DLC1: variants seen among roughly 807,000 people sequenced by gnomAD.
The protein encoded by DLC1 is DLC1 Rho GTPase activating protein.
In DLC1, 54 loss-of-function variants were observed where a neutral mutation model predicts 140.3. That is an observed-to-expected ratio of 0.38 (90% CI 0.31 to 0.48). The LOEUF is 0.48. Among genes scored for constraint, DLC1 ranks in the 20% least tolerant of loss-of-function variants. DLC1 has a pLI of 0.96. For synonymous variants in DLC1, 986 were observed against 728.1 expected, an observed-to-expected ratio of 1.35 and a Z score of -5.70; for missense variants, 2,536 against 1,907.0, an observed-to-expected ratio of 1.33 and a Z score of -6.14.
intron 5 of DLC1, among the ~76,000 whole-genome samples, chr8:13,286,292 G>GA (rs1407062031): frequency 6.6e-6 from 1 of 151,948 alleles, no homozygotes; most frequent in South Asian, 2.1e-4. Flanking sequence ...TACCACCAGA[G>GA]AAAAAAATTG....
intron 1 of DLC1, chr8:13,566,956 G>C (rs1464251990): frequency 6.6e-7 from 1 of 1,508,960 alleles, no homozygotes; most frequent in Non-Finnish European, 8.9e-7. Flanking sequence ...CTTAACCTGG[G>C]CAAAGGAGAT....
intron 2 of DLC1, among the ~76,000 whole-genome samples, chr8:13,432,711 A>T (rs1009158121): frequency 6.6e-6 from 1 of 152,216 alleles, no homozygotes; most frequent in African/African-American, 2.4e-5. Flanking sequence ...AGTTTTGGCA[A>T]CTAGGAGATG....
chr8:13,446,171 C>T (rs568206730), intron 2 of DLC1, among the ~76,000 whole-genome samples: 17 of 152,166 alleles, frequency 1.1e-4, no homozygotes, highest in Non-Finnish European at 2.2e-4. Context: ...CATATAATTT[C>T]CAGAAAACAA....
intron 1 of DLC1, among the ~76,000 whole-genome samples, chr8:13,597,464 C>T (rs1805722686): frequency 6.6e-6 from 1 of 151,860 alleles, no homozygotes; most frequent in African/African-American, 2.4e-5. Context: ...CCTGAAATAC[C>T]ATCTCGTTTC....
At chr8:13,338,062 T>C (rs954668729) in intron 4 of DLC1, among the ~76,000 whole-genome samples, 1 of 152,206 alleles carries the variant, frequency 6.6e-6, no homozygotes, top group Non-Finnish European at 1.5e-5. Context: ...AGAGTTTTCC[T>C]CTAAGTTGCC....
intron 2 of DLC1, among the ~76,000 whole-genome samples, chr8:13,402,788 A>G (rs926134096): frequency 8.5e-5 from 13 of 152,174 alleles, no homozygotes; most frequent in Non-Finnish European, 1.9e-4. Flanking sequence ...ATTTTTTGCC[A>G]TTTATTTTAA....
intron 5 of DLC1, among the ~76,000 whole-genome samples, chr8:13,256,191 A>C (rs966685211): frequency 1.3e-5 from 2 of 152,230 alleles, no homozygotes; most frequent in East Asian, 3.9e-4. Context: ...AAAATCCTAA[A>C]GGAGGTTGAT....
chr8:13,337,834 C>G (rs761315597), intron 4 of DLC1, among the ~76,000 whole-genome samples: 2 of 152,022 alleles, frequency 1.3e-5, no homozygotes, highest in African/African-American at 2.4e-5. Flanking sequence ...TTGAATTAAA[C>G]AAGAGTGTAA....
chr8:13,228,663 T>C (rs893074762), intron 5 of DLC1, among the ~76,000 whole-genome samples: 4 of 152,142 alleles, frequency 2.6e-5, no homozygotes, highest in African/African-American at 4.8e-5. Context: ...GGCAAGAAGA[T>C]TGCTTCAGCC....
intron 5 of DLC1, among the ~76,000 whole-genome samples, chr8:13,130,402 G>C (rs1192495540): frequency 1.3e-5 from 2 of 152,106 alleles, no homozygotes; most frequent in Non-Finnish European, 2.9e-5. Context: ...CTTTCTACTG[G>C]TCTGGTATAT....
At chr8:13,568,569 G>A (rs546481425) in intron 1 of DLC1, among the ~76,000 whole-genome samples, 5 of 126,456 alleles carry the variant, frequency 4.0e-5, no homozygotes, top group Non-Finnish European at 8.4e-5. Context: ...GCCGTAGATT[G>A]TCAAGCGTTT....
At chr8:13,348,498 C>G (rs761071883) in intron 4 of DLC1, among the ~76,000 whole-genome samples, 1 of 152,136 alleles carries the variant, frequency 6.6e-6, no homozygotes, top group African/African-American at 2.4e-5. Context: ...TTAGGGATGA[C>G]AAACTGGAAA....
intron 5 of DLC1, among the ~76,000 whole-genome samples, chr8:13,147,435 G>A (rs891915719): frequency 6.6e-6 from 1 of 152,066 alleles, no homozygotes; most frequent in African/African-American, 2.4e-5. Flanking sequence ...CACTCATTTC[G>A]AATCTGAAAA....
intron 5 of DLC1, among the ~76,000 whole-genome samples, chr8:13,261,603 GC>G (rs1830472062): frequency 6.6e-6 from 1 of 152,146 alleles, no homozygotes; most frequent in South Asian, 2.1e-4. Context: ...GAACACAGGT[GC>G]GAGGCAACCG....
intron 5 of DLC1, among the ~76,000 whole-genome samples, chr8:13,263,002 TTAC>T (rs1830525814): frequency 1.3e-5 from 2 of 152,190 alleles, no homozygotes; most frequent in African/African-American, 4.8e-5. Flanking sequence ...AAATGAAGTG[TTAC>T]TAGTGCATTT....
At chr8:13,588,688 G>A (rs1430829152) in intron 1 of DLC1, among the ~76,000 whole-genome samples, 1 of 152,046 alleles carries the variant, frequency 6.6e-6, no homozygotes, top group Non-Finnish European at 1.5e-5. Context: ...CTCAATATAA[G>A]ACAATTCAGA....
intron 1 of DLC1, among the ~76,000 whole-genome samples, chr8:13,535,756 C>A (rs1803256677): frequency 6.7e-6 from 1 of 150,288 alleles, no homozygotes; most frequent in Non-Finnish European, 1.5e-5. Context: ...TCATCTAAGT[C>A]ATTATGCTGT....
At chr8:13,286,840 A>G (rs1831551500) in intron 5 of DLC1, among the ~76,000 whole-genome samples, 1 of 152,136 alleles carries the variant, frequency 6.6e-6, no homozygotes, top group Non-Finnish European at 1.5e-5. Context: ...GCCTTTGATA[A>G]AAGGAAAAAT....
chr8:13,582,622 T>C (rs953351982), intron 1 of DLC1, among the ~76,000 whole-genome samples: 1 of 152,026 alleles, frequency 6.6e-6, no homozygotes, highest in Non-Finnish European at 1.5e-5. Context: ...TCCTTGCTCT[T>C]TAGCCTGCAA....
Sources: allele counts gnomAD v4.1 joint callset (sites outside exome capture counted in the v4.1 genomes callset), GRCh38; gene constraint gnomAD v4.1.1; transcripts MANE v1.5; gene names NCBI Gene and HGNC (gene_info 2026-07-23, HGNC 2026-07-21).